The following TRIM69 variants were observed in gnomAD, a reference collection of about 807,000 sequenced individuals.
TRIM69 encodes tripartite motif containing 69.
A neutral mutation model predicts 37.7 loss-of-function variants in TRIM69; 29 were observed. The ratio of observed to expected loss-of-function variants is 0.77; its 90% confidence interval spans 0.57 to 1.05. The LOEUF (loss-of-function observed/expected upper bound fraction) is 1.05, where lower values mean the gene tolerates loss of function less well. TRIM69 is among the 50% of genes least tolerant of loss of function. TRIM69 has a pLI of 0.00. For synonymous variants in TRIM69, 209 were observed against 212.4 expected, an observed-to-expected ratio of 0.98 and a Z score of 0.14; for missense variants, 596 against 579.9, an observed-to-expected ratio of 1.03 and a Z score of -0.28.
At chr15:44,762,930 A>G (rs1294890993) in intron 6 of TRIM69, among the ~76,000 whole-genome samples, 1 of 151,766 alleles carries the variant, frequency 6.6e-6, no homozygotes, top group Non-Finnish European at 1.5e-5. Flanking sequence ...ATTTTTTAGG[A>G]CACTTTTAGA....
chr15:44,743,863 G>T lies in TRIM69; in HGVS notation c.6+7153G>T, dbSNP rs1194555503. Among the ~76,000 whole-genome samples the T allele has an allele frequency of 2.0e-5, 3 of 152,184 alleles. No individual in the cohort carries two copies. In the East Asian group the frequency reaches 5.8e-4, roughly 29 times the overall value. ...ACACTTTTACACTGTTGGTGGGACTGTAAACTAGTTCAACCATTGTGGAAG... is the reference window on the plus strand; with the variant it reads ...ACACTTTTACACTGTTGGTGGGACTTTAAACTAGTTCAACCATTGTGGAAG... On this transcript the variant is annotated intron_variant, in intron 1 of 6. Coordinates refer to ENST00000329464, the MANE Select transcript of TRIM69 (RefSeq NM_182985.5).
chr15:44,765,373 C>A (rs1478725981), intron 6 of TRIM69, among the ~76,000 whole-genome samples: 1 of 152,146 alleles, frequency 6.6e-6, no homozygotes, highest in Non-Finnish European at 1.5e-5. Flanking sequence ...CCAGTCCTCA[C>A]ATCAGAAAGA....
intron 3 of TRIM69, 67 bp from the exon 4 acceptor site, chr15:44,758,554 G>A (rs2087701155): frequency 1.3e-6 from 2 of 1,588,742 alleles, no homozygotes; most frequent in Admixed American, 1.7e-5. Context: ...AGTGTTGGTG[G>A]TGTGGGCCCC....
In TRIM69 at chr15:44,758,713, G is replaced by C; in HGVS notation, c.672G>C (p.Glu224Asp). 6.2e-7 allele frequency: 1 copy of C among 1,614,168 alleles called. No individual in the cohort carries two copies. ...LHSKEKDILT[E>D]LREEGKALNE... ...GCAAAGAAAAGGACATTTTAACTGA[G>C]CTCCGGGAAGAGGGGAAAGCCTTGA... Residue 224 changes from glutamate (E) to aspartate (D), a missense_variant, in exon 4 of 7, where the codon GAG (glutamate) becomes GAC (aspartate). Physicochemically the swap from Glu to Asp is conservative, Grantham distance 45 (BLOSUM62 2). Transcript: ENST00000329464.
intron 1 of TRIM69, among the ~76,000 whole-genome samples, chr15:44,751,852 C>T (rs1371361261): frequency 2.0e-5 from 3 of 152,062 alleles, no homozygotes; most frequent in Non-Finnish European, 2.9e-5. Context: ...TTCAGGTGAT[C>T]CACCTACTTC....
intron 6 of TRIM69, among the ~76,000 whole-genome samples, chr15:44,762,991 G>A (rs988204689): frequency 1.3e-5 from 2 of 151,906 alleles, no homozygotes; most frequent in African/African-American, 4.8e-5. Context: ...TTTTTTATAT[G>A]CCCCATCCTC....
chr15:44,743,776 A>T (rs2087343818), intron 1 of TRIM69, among the ~76,000 whole-genome samples: 1 of 152,356 alleles, frequency 6.6e-6, no homozygotes, highest in Non-Finnish European at 1.5e-5. Flanking sequence ...CACACCAGTT[A>T]GAATGGCATC....
At chr15:44,743,835 G>A (rs1255993799) in intron 1 of TRIM69, among the ~76,000 whole-genome samples, 1 of 152,200 alleles carries the variant, frequency 6.6e-6, no homozygotes, top group Non-Finnish European at 1.5e-5. Flanking sequence ...TGGATAAATA[G>A]GAACACTTTT....
chr15:44,744,913 G>A (rs1231903161), intron 1 of TRIM69, among the ~76,000 whole-genome samples: 1 of 152,016 alleles, frequency 6.6e-6, no homozygotes, highest in East Asian at 1.9e-4. Context: ...TGCCACCTGG[G>A]GAAAGGCATA....
rs2087619145 is a variant in TRIM69, at chr15:44,755,225, G to T, written c.332G>T (p.Gly111Val). 1 of 1,614,122 alleles carries T rather than the reference G, an allele frequency of 6.2e-7. No individual in the cohort carries two copies. The highest frequency in any genetic ancestry group is 8.5e-7 in the Non-Finnish European group (1 of 1,180,018). ...ATTAAGAAGTTACCCTTACTCAAGG[G>T]CCATCCACAGTGCCCAGAGCATGGA... ...EKIKKLPLLK[G>V]HPQCPEHGEN... Residue 111 changes from glycine (G) to valine (V), a missense_variant, in exon 2 of 7, where the codon GGC becomes GTC. Transcript: ENST00000329464.
chr15:44,757,672 A>G (rs1285609321), intron 3 of TRIM69: 2 of 152,232 alleles, frequency 1.3e-5, no homozygotes, highest in African/African-American at 4.8e-5. Context: ...TTCCCACCTC[A>G]GCCTCCTGAG....
intron 1 of TRIM69, among the ~76,000 whole-genome samples, chr15:44,747,609 C>CAGAG (rs1245432925): frequency 6.6e-6 from 1 of 152,084 alleles, no homozygotes; most frequent in Non-Finnish European, 1.5e-5. Flanking sequence ...AAAGAGGCTA[C>CAGAG]AGAGAATGGT....
intron 1 of TRIM69, chr15:44,754,284 A>T (rs1263638571): frequency 6.6e-6 from 1 of 151,652 alleles, no homozygotes; most frequent in Admixed American, 6.6e-5. Context: ...CTGCCACCAC[A>T]CCCAGCTAAT....
At chr15:44,766,955 G>A (rs1178578331) in intron 6 of TRIM69, among the ~76,000 whole-genome samples, 2 of 145,776 alleles carry the variant, frequency 1.4e-5, no homozygotes, top group African/African-American at 2.5e-5. Flanking sequence ...GCTATTTGGG[G>A]GGCTGAGGCA....
intron 1 of TRIM69, among the ~76,000 whole-genome samples, chr15:44,743,441 A>T (rs1186177565): frequency 9.9e-5 from 15 of 152,268 alleles, no homozygotes; most frequent in Non-Finnish European, 1.9e-4. Flanking sequence ...AAGCAAGGGC[A>T]ACAAAAGCCA....
Position 44,758,733 on chromosome 15 carries a change from C to A in TRIM69, c.692C>A (p.Ala231Asp). The change falls in exon 4 of 7, where the codon GCC becomes GAC. Residue 231 changes from alanine to aspartate, a missense_variant. Coordinates refer to ENST00000329464, the MANE Select transcript of TRIM69 (RefSeq NM_182985.5). Reference protein sequence around the residue: ...ILTELREEGKALNEEMELNLS... With the variant: ...ILTELREEGKDLNEEMELNLS... Reference sequence around the variant, plus strand: ...ACTGAGCTCCGGGAAGAGGGGAAAGCCTTGAATGAGGAGATGGAGTTGAAT... The same window carrying A: ...ACTGAGCTCCGGGAAGAGGGGAAAGACTTGAATGAGGAGATGGAGTTGAAT... 1 of 1,614,106 alleles carries A rather than the reference C, an allele frequency of 6.2e-7. No individual in the cohort carries two copies. The highest frequency in any genetic ancestry group is 1.1e-5 in the South Asian group (1 of 91,078).
chr15:44,754,853 A>G (rs377711609), intron 1 of TRIM69, 47 bp from the exon 2 acceptor site: 1 of 1,432,152 alleles, frequency 7.0e-7, no homozygotes, highest in Non-Finnish European at 9.6e-7. Context: ...GAGTGTTAAA[A>G]TGGGCAACAA....
chr15:44,764,744 A>G (rs2087850992), intron 6 of TRIM69, among the ~76,000 whole-genome samples: 1 of 152,246 alleles, frequency 6.6e-6, no homozygotes, highest in South Asian at 2.1e-4. Flanking sequence ...AAATATTTGC[A>G]TGAACAAATG....
chr15:44,756,387 A>G lies in TRIM69; in HGVS notation c.503A>G (p.Gln168Arg). The part of the protein sequence containing the change: ...HFFTEELAIQ[Q>R]GQLETTLKEL... ...TCCCAGGAGGAGCTTGCCATCCAAC[A>G]GGGTCAACTGGAGACAACTCTGAAG... The change falls in exon 3 of 7, where the codon CAG becomes CGG. Residue 168 changes from glutamine to arginine, a missense_variant. Physicochemically the swap from Gln to Arg is conservative, Grantham distance 43. Transcript: ENST00000329464. The G allele has an allele frequency of 2.6e-6, 4 of 1,550,638 alleles. No homozygotes were observed. The highest frequency in any genetic ancestry group is 3.5e-6 in the Non-Finnish European group (4 of 1,146,568).
Sources: allele counts gnomAD v4.1 joint callset (sites outside exome capture counted in the v4.1 genomes callset), GRCh38; gene constraint gnomAD v4.1.1; transcripts MANE v1.5; gene names NCBI Gene and HGNC (gene_info 2026-07-23, HGNC 2026-07-21).